Variants in GLB1 observed in about 807,000 individuals in gnomAD.
GLB1 encodes beta-galactosidase.
A neutral mutation model predicts 74.0 loss-of-function variants in GLB1; 56 were observed. The observed-to-expected ratio is 0.76, with a 90% confidence interval of 0.61 to 0.94. The LOEUF (loss-of-function observed/expected upper bound fraction) is 0.94. Ranked by LOEUF, GLB1 falls within the 40% of genes least tolerant of loss-of-function variation. The probability of loss-of-function intolerance (pLI) is 0.00; values close to 1 mark genes in which losing one functional copy is unlikely to be tolerated. For synonymous variants in GLB1, 323 were observed against 323.6 expected, an observed-to-expected ratio of 1.00 and a Z score of 0.02; for missense variants, 787 against 845.5, an observed-to-expected ratio of 0.93 and a Z score of 0.86.
At chr3:33,033,797 A>AG in intron 10 of GLB1, 1 of 266,446 alleles carries the variant, frequency 3.8e-6, no homozygotes, top group Non-Finnish European at 7.2e-6. Context: ...AAAAAAAAAA[A>AG]GGTGGTAAGG....
rs1237465130 is a variant in GLB1, at chr3:33,034,797, A to G, written c.1069-10472T>C. 8.0e-6 allele frequency: 5 copies of G among 622,236 alleles called. No homozygotes were observed. The East Asian group carries it at 2.0e-4, about 25-fold the overall frequency. 38.5% of individuals were successfully genotyped at this position (622,236 alleles called of 1,614,324 possible). A position where few individuals can be genotyped will look rare whatever the true frequency, so the allele number is the denominator to read the frequency against. On this transcript the variant is annotated intron_variant, in intron 10 of 15. Coordinates refer to ENST00000307363, the MANE Select transcript of GLB1 (RefSeq NM_000404.4). ...TCAGCTTCAGTCATAGAGGGCCAGC[A>G]TAACAAGCAGTGACAAGACAGGCAG...
chr3:33,014,412 A>C, intron 14 of GLB1, 102 bp from the exon 15 acceptor site: 1 of 1,533,852 alleles, frequency 6.5e-7, no homozygotes, highest in Non-Finnish European at 8.8e-7. Flanking sequence ...CGGGATACAA[A>C]ACACCAACAG....
At chr3:33,043,647 AAT>A (rs1056957253) in intron 10 of GLB1, among the ~76,000 whole-genome samples, 85 of 152,228 alleles carry the variant, frequency 5.6e-4, no homozygotes, top group Middle Eastern at 3.4e-3. Context: ...AGAATGTATA[AAT>A]ATATCAGTTA....
chr3:33,058,185 C>G lies in GLB1; in HGVS notation c.637G>C (p.Asp213His). 6.2e-7 allele frequency: 1 copy of G among 1,614,132 alleles called. No homozygotes were observed. The highest frequency in any genetic ancestry group is 8.5e-7 in the Non-Finnish European group (1 of 1,180,012). The change falls in exon 6 of 16, where the codon GAT becomes CAT. Residue 213 changes from aspartate to histidine, a missense_variant. Coordinates refer to ENST00000307363, the MANE Select transcript of GLB1 (RefSeq NM_000404.4). ...LQKRFRHHLG[D>H]DVVLFTTDGA... is the part of the protein sequence containing the mutation. ...TCAGTGGTAAACAGAACCACATCAT[C>G]CCCCAGATGGTGGCGAAAGCGCTTC...
intron 1 of GLB1, among the ~76,000 whole-genome samples, chr3:33,074,789 C>G (rs2125558197): frequency 6.6e-6 from 1 of 152,304 alleles, no homozygotes; most frequent in South Asian, 2.1e-4. Flanking sequence ...GCTCTAGTCA[C>G]AGTAGCATCA....
At chr3:33,077,045 G>A (rs1210620266) in intron 1 of GLB1, 91 of 1,294,616 alleles carry the variant, frequency 7.0e-5, no homozygotes, top group Non-Finnish European at 8.4e-5. Context: ...GGAACATGGC[G>A]AGACCCTGTC....
chr3:33,080,460 T>C (rs1700284404), intron 1 of GLB1, among the ~76,000 whole-genome samples: 1 of 152,194 alleles, frequency 6.6e-6, no homozygotes, highest in Admixed American at 6.5e-5. Flanking sequence ...TTTGTGCTGA[T>C]TGTCTCAACT....
Position 32,997,152 on chromosome 3 carries a change from C to A in GLB1, c.1927G>T (p.Val643Phe). Residue 643 changes from valine (V) to phenylalanine (F), a missense_variant, in exon 16 of 16, where the codon GTT becomes TTT. Transcript: ENST00000307363. Reference protein sequence around the residue: ...LCAVTFVDRPVIGSSVTYDHP... With the variant: ...LCAVTFVDRPFIGSSVTYDHP... Reference sequence around the variant, plus strand: ...TCGTAGGTCACAGATGAGCCAATAACTGGCCTGTCCACGAACGTCACAGCA... The same window carrying A: ...TCGTAGGTCACAGATGAGCCAATAAATGGCCTGTCCACGAACGTCACAGCA... 1 of 1,614,182 alleles carries A rather than the reference C, an allele frequency of 6.2e-7. No individual in the cohort carries two copies. Among genetic ancestry groups the A allele is most frequent in the Non-Finnish European group, 8.5e-7 (1 of 1,180,040 alleles).
chr3:33,085,264 G>C (rs914427941), intron 1 of GLB1, among the ~76,000 whole-genome samples: 1 of 114,418 alleles, frequency 8.7e-6, no homozygotes, highest in Non-Finnish European at 1.6e-5. Flanking sequence ...GACAGAGCAA[G>C]AGTCTGTTTC....
intron 10 of GLB1, chr3:33,038,019 CAAAAAAAAAAAAAAAAA>C (rs63478362): frequency 2.8e-5 from 2 of 71,702 alleles, no homozygotes; most frequent in Non-Finnish European, 4.7e-5. Flanking sequence ...GGCGACTCTT[CAAAAAAAAAAAAAAAAA>C]AAAAAAAAAA....
At chr3:33,041,343 G>A (rs1047558578) in intron 10 of GLB1, among the ~76,000 whole-genome samples, 1 of 152,166 alleles carries the variant, frequency 6.6e-6, no homozygotes, top group African/African-American at 2.4e-5. Flanking sequence ...TCAGTATGCT[G>A]AGAGAAAACT....
rs61013692 is a variant in GLB1 at position 33,022,564 on chromosome 3, A to ATTTTTTTTTTTTTTTTTTTTTTTTTTT, written c.1144-910_1144-909insAAAAAAAAAAAAAAAAAAAAAAAAAAA. 3.1e-5 allele frequency among the ~76,000 whole-genome samples: 2 copies of ATTTTTTTTTTTTTTTTTTTTTTTTTTT among 63,766 alleles called. 1 individual carries two copies. The highest frequency in any genetic ancestry group is 5.8e-5 in the Non-Finnish European group (2 of 34,610). 41.8% of individuals were successfully genotyped at this position (63,766 alleles called of 152,430 possible). A position where few individuals can be genotyped will look rare whatever the true frequency, so the allele number is the denominator to read the frequency against. On this transcript the variant is annotated intron_variant, in intron 11 of 15. Coordinates refer to ENST00000307363, the MANE Select transcript of GLB1 (RefSeq NM_000404.4). ...TTCCATGACTATAATACTGGTTAGG[A>ATTTTTTTTTTTTTTTTTTTTTTTTTTT]TTTTTTTTTTTTTTTTTTTGAGAGA...
intron 12 of GLB1, chr3:33,021,343 T>C: frequency 1.7e-6 from 1 of 589,356 alleles, no homozygotes; most frequent in South Asian, 2.0e-5. Flanking sequence ...GGCTACCTCC[T>C]GTATGAGTGA....
chr3:33,054,639 T>C (rs1440028940), intron 6 of GLB1, among the ~76,000 whole-genome samples: 1 of 152,214 alleles, frequency 6.6e-6, no homozygotes, highest in African/African-American at 2.4e-5. Flanking sequence ...GGGGCTCTAA[T>C]TGTGTTTACC....
intron 15 of GLB1, among the ~76,000 whole-genome samples, chr3:33,004,329 C>T (rs1290581307): frequency 6.6e-6 from 1 of 152,204 alleles, no homozygotes; most frequent in East Asian, 1.9e-4. Flanking sequence ...ACCAGCAAAA[C>T]CACTACTTGG....
chr3:33,043,615 A>G (rs900058618), intron 10 of GLB1, among the ~76,000 whole-genome samples: 1 of 152,178 alleles, frequency 6.6e-6, no homozygotes, highest in Non-Finnish European at 1.5e-5. Flanking sequence ...TCATCTATGT[A>G]TATCAAGAAG....
At chr3:33,090,215 A>C (rs1293905945) in intron 1 of GLB1, among the ~76,000 whole-genome samples, 1 of 152,244 alleles carries the variant, frequency 6.6e-6, no homozygotes, top group African/African-American at 2.4e-5. Flanking sequence ...TTCATACTGA[A>C]GTAATTTTGG....
chr3:33,031,502 C>T (rs577065994), intron 10 of GLB1, among the ~76,000 whole-genome samples: 4 of 147,706 alleles, frequency 2.7e-5, no homozygotes, highest in Non-Finnish European at 6.0e-5. Flanking sequence ...AAATTAGCCA[C>T]GTGCATTGGT....
At chr3:33,014,947 T>A (rs1697181141) in intron 14 of GLB1, among the ~76,000 whole-genome samples, 2 of 152,048 alleles carry the variant, frequency 1.3e-5, no homozygotes, top group African/African-American at 4.8e-5. Context: ...AGCCTGGGTG[T>A]CAGAGCGACA....
Sources: allele counts gnomAD v4.1 joint callset (sites outside exome capture counted in the v4.1 genomes callset), GRCh38; gene constraint gnomAD v4.1.1; transcripts MANE v1.5; gene names NCBI Gene and HGNC (gene_info 2026-07-23, HGNC 2026-07-21).